PTPRD: variants seen among roughly 807,000 people sequenced by gnomAD.
The protein encoded by PTPRD is receptor-type tyrosine-protein phosphatase delta.
In PTPRD, 34 loss-of-function variants were observed where a neutral mutation model predicts 214.5. The ratio of observed to expected loss-of-function variants is 0.16; its 90% CI spans 0.12 to 0.21. The LOEUF is 0.21. Among genes scored for constraint, PTPRD ranks in the 10% least tolerant of loss-of-function variants. The pLI is 1.00. For synonymous variants in PTPRD, 1,128 were observed against 845.7 expected (o/e 1.33, Z -5.79); for missense variants, 2,545 against 2,398.7 (o/e 1.06, Z -1.27).
chr9:9,380,066 C>A (rs775969740), intron 9 of PTPRD, among the ~76,000 whole-genome samples: 1 of 151,962 alleles, frequency 6.6e-6, no homozygotes, highest in South Asian at 2.1e-4. Context: ...AAAGGTGTAG[C>A]GAGATAGGGA....
chr9:10,540,757 T>G (rs189465548), intron 2 of PTPRD, among the ~76,000 whole-genome samples: 58 of 152,306 alleles, frequency 3.8e-4, no homozygotes, highest in African/African-American at 1.4e-3. Context: ...AGGCTGAGGT[T>G]GAAATTTGGC....
intron 5 of PTPRD, among the ~76,000 whole-genome samples, chr9:9,849,634 A>C (rs970361245): frequency 1.3e-5 from 2 of 151,772 alleles, no homozygotes; most frequent in Admixed American, 1.3e-4. Flanking sequence ...CATTTATGTA[A>C]GGTGTGATTG....
At chr9:8,651,111 T>C (rs2096797770) in intron 12 of PTPRD, among the ~76,000 whole-genome samples, 1 of 152,202 alleles carries the variant, frequency 6.6e-6, no homozygotes, top group African/African-American at 2.4e-5. Context: ...TCTACACAAA[T>C]ATCCAAATTC....
At chr9:8,375,333 G>A (rs12342923) in intron 39 of PTPRD, among the ~76,000 whole-genome samples, 75,579 of 151,776 alleles carry the variant, frequency 0.5, 23,106 homozygotes, top group African/African-American at 0.85. Context: ...TATACATTTC[G>A]AGAGAAATAC....
chr9:10,360,174 G>T (rs1348472306), intron 2 of PTPRD, among the ~76,000 whole-genome samples: 1 of 152,206 alleles, frequency 6.6e-6, no homozygotes, highest in Non-Finnish European at 1.5e-5. Context: ...ACTAGAGGCT[G>T]GAAATTTGAG....
intron 30 of PTPRD, among the ~76,000 whole-genome samples, chr9:8,476,504 G>C (rs965082036): frequency 4.6e-5 from 7 of 152,022 alleles, no homozygotes; most frequent in Non-Finnish European, 2.9e-5. Flanking sequence ...CACCTGCCTA[G>C]AACTTTCTGT....
chr9:8,484,729 A>G (rs925486579), intron 29 of PTPRD, among the ~76,000 whole-genome samples: 3 of 150,274 alleles, frequency 2.0e-5, no homozygotes, highest in Non-Finnish European at 3.0e-5. Flanking sequence ...AATATTGCCT[A>G]TTTTCTAAAG....
intron 3 of PTPRD, among the ~76,000 whole-genome samples, chr9:10,331,818 T>C (rs934863330): frequency 1.3e-5 from 2 of 151,900 alleles, no homozygotes; most frequent in Non-Finnish European, 2.9e-5. Flanking sequence ...AGATAAAAAC[T>C]CATGATCACT....
chr9:8,511,713 T>C (rs2097686237), intron 21 of PTPRD, among the ~76,000 whole-genome samples: 1 of 152,122 alleles, frequency 6.6e-6, no homozygotes, highest in Non-Finnish European at 1.5e-5. Context: ...AGCAAAAATT[T>C]TTCTTTAATA....
intron 9 of PTPRD, among the ~76,000 whole-genome samples, chr9:9,391,242 G>A (rs1276916376): frequency 6.6e-6 from 1 of 152,120 alleles, no homozygotes; most frequent in African/African-American, 2.4e-5. Context: ...ATTTTCCAAG[G>A]AATAATTTGT....
At chr9:10,102,555 T>C (rs1461187113) in intron 3 of PTPRD, among the ~76,000 whole-genome samples, 4 of 151,572 alleles carry the variant, frequency 2.6e-5, no homozygotes, top group African/African-American at 7.3e-5. Context: ...CTTATATTAA[T>C]AAAATACTCA....
chr9:10,560,459 G>A (rs868588524), intron 2 of PTPRD, among the ~76,000 whole-genome samples: 32 of 152,096 alleles, frequency 2.1e-4, no homozygotes, highest in Admixed American at 7.2e-4. Flanking sequence ...CCTAATGCTA[G>A]ATGACGAGTT....
intron 8 of PTPRD, among the ~76,000 whole-genome samples, chr9:9,483,046 GA>G (rs1419764075): frequency 6.6e-6 from 1 of 151,926 alleles, no homozygotes; most frequent in African/African-American, 2.4e-5. Flanking sequence ...CTGTGATAAG[GA>G]AAAAAATCTG....
intron 9 of PTPRD, among the ~76,000 whole-genome samples, chr9:9,236,004 C>T (rs1176627165): frequency 6.6e-6 from 1 of 152,116 alleles, no homozygotes; most frequent in Non-Finnish European, 1.5e-5. Flanking sequence ...TGTCTCATGC[C>T]TGTAATCCCA....
intron 3 of PTPRD, among the ~76,000 whole-genome samples, chr9:10,284,475 T>A (rs965927420): frequency 1.1e-4 from 16 of 152,226 alleles, no homozygotes; most frequent in African/African-American, 3.4e-4. Flanking sequence ...TGCTTTTATT[T>A]GGGAAACATT....
chr9:8,831,154 T>G (rs1267676688), intron 11 of PTPRD, among the ~76,000 whole-genome samples: 2 of 152,088 alleles, frequency 1.3e-5, no homozygotes, highest in East Asian at 3.9e-4. Context: ...TTTCTGATAC[T>G]TGACAGTAAG....
At chr9:8,777,698 A>G (rs556651899) in intron 11 of PTPRD, among the ~76,000 whole-genome samples, 1 of 152,302 alleles carries the variant, frequency 6.6e-6, no homozygotes, top group East Asian at 1.9e-4. Context: ...GGTCAGTGAT[A>G]AAAGAGAGCT....
intron 3 of PTPRD, among the ~76,000 whole-genome samples, chr9:10,259,556 C>T (rs898346790): frequency 3.3e-5 from 5 of 152,016 alleles, no homozygotes; most frequent in Non-Finnish European, 5.9e-5. Flanking sequence ...CAGTTCCTGA[C>T]GCAATATGAA....
intron 3 of PTPRD, among the ~76,000 whole-genome samples, chr9:10,095,898 T>G (rs1222405807): frequency 6.6e-6 from 1 of 151,588 alleles, no homozygotes; most frequent in South Asian, 2.1e-4. Context: ...TACTTTTTCC[T>G]ATTAAAAAGT....
Sources: gnomAD v4.1 joint callset for allele counts (sites outside exome capture counted in the v4.1 genomes callset) on GRCh38, gnomAD v4.1.1 for gene constraint, MANE v1.5 for transcripts, NCBI Gene and HGNC (gene_info 2026-07-23, HGNC 2026-07-21) for gene names.